Variants in EFCAB11 observed in about 807,000 individuals in gnomAD.
The protein encoded by EFCAB11 is EF-hand calcium binding domain 11.
EFCAB11 carries 14 observed loss-of-function variants against 23.0 expected under a neutral mutation model. The observed-to-expected ratio is 0.61, with a 90% CI of 0.40 to 0.95. The LOEUF is 0.95. EFCAB11 is among the 40% of genes least tolerant of loss of function. The probability of loss-of-function intolerance (pLI) is 0.00; values close to 1 mark genes in which losing one functional copy is unlikely to be tolerated. For missense variants in EFCAB11, 198 were observed against 195.8 expected, an observed-to-expected ratio of 1.01 and a Z score of -0.07; for synonymous variants, 65 against 66.6, an observed-to-expected ratio of 0.98 and a Z score of 0.11.
At position 89,835,834 on chromosome 14, in the gene EFCAB11, G is replaced by C. The variant is rs112770826; in HGVS notation, c.411-38510C>G. Among the ~76,000 whole-genome samples, 1,140 of 151,874 alleles carry C rather than the reference G, an allele frequency of 7.5e-3. 14 individuals are homozygous for C. Among genetic ancestry groups the C allele is most frequent in the African/African-American group, 0.026 (1,083 of 41,458 alleles). On this transcript the variant is annotated intron_variant, in intron 5 of 5. Coordinates refer to ENST00000316738, the MANE Select transcript of EFCAB11 (RefSeq NM_145231.4). Reference sequence around the variant, plus strand: ...GTAGAGACAGGGTTTCACCATGTTGGCCAGGCTGGTCTCAAACTCCTGACC... The same window carrying C: ...GTAGAGACAGGGTTTCACCATGTTGCCCAGGCTGGTCTCAAACTCCTGACC...
chr14:89,937,979 G>C (rs2139821767), intron 3 of EFCAB11: 1 of 152,116 alleles, frequency 6.6e-6, no homozygotes, highest in Non-Finnish European at 1.5e-5. Context: ...TTTCACCACA[G>C]GGGAAGATAA....
chr14:89,827,599 C>T (rs540489487), intron 5 of EFCAB11, among the ~76,000 whole-genome samples: 65 of 151,290 alleles, frequency 4.3e-4, no homozygotes, highest in African/African-American at 1.5e-3. Flanking sequence ...TTTTCCATGA[C>T]CATGTTTCAT....
chr14:89,864,849 T>A (rs1339172604), intron 5 of EFCAB11, among the ~76,000 whole-genome samples: 5 of 152,256 alleles, frequency 3.3e-5, no homozygotes, highest in Non-Finnish European at 7.3e-5. Context: ...TGCCCATTCT[T>A]GGTCTCCAGG....
At chr14:89,919,699 G>A (rs1368107850) in intron 5 of EFCAB11, among the ~76,000 whole-genome samples, 1 of 152,094 alleles carries the variant, frequency 6.6e-6, no homozygotes, top group East Asian at 1.9e-4. Flanking sequence ...CCTTTCCTGG[G>A]GCTGGCTTAG....
In EFCAB11 at chr14:89,804,201, T is replaced by C. The variant is rs1044628421; in HGVS notation, c.411-6877A>G. ...CCAAACGTGGAAGCATGAAAAGGAGTGTTAAGGCCTTCTTCATGCACAGAG... is the reference window on the plus strand; with the variant it reads ...CCAAACGTGGAAGCATGAAAAGGAGCGTTAAGGCCTTCTTCATGCACAGAG... On this transcript the variant is annotated intron_variant, in intron 5 of 5. Coordinates refer to ENST00000316738, the MANE Select transcript of EFCAB11 (RefSeq NM_145231.4). 7.9e-5 allele frequency among the ~76,000 whole-genome samples: 12 copies of C among 152,222 alleles called. No individual in the cohort carries two copies. The East Asian group carries it at 2.3e-3, about 29-fold the overall frequency.
chr14:89,838,800 A>G (rs1321766013), intron 5 of EFCAB11, among the ~76,000 whole-genome samples: 1 of 152,242 alleles, frequency 6.6e-6, no homozygotes, highest in Non-Finnish European at 1.5e-5. Flanking sequence ...ACCCAACATT[A>G]TATCAGAGAT....
At chr14:89,861,603 C>T (rs1887923338) in intron 5 of EFCAB11, among the ~76,000 whole-genome samples, 3 of 152,260 alleles carry the variant, frequency 2.0e-5, no homozygotes, top group Admixed American at 2.0e-4. Flanking sequence ...AATGTGTCCC[C>T]CAAATTTCAT....
chr14:89,801,476 G>A (rs1341827608), intron 5 of EFCAB11, among the ~76,000 whole-genome samples: 4 of 152,140 alleles, frequency 2.6e-5, no homozygotes, highest in African/African-American at 9.7e-5. Context: ...AGAACTCAGA[G>A]CCATAAGCCT....
At chr14:89,954,550 T>G in intron 1 of EFCAB11, 36 bp downstream of exon 1, 1 of 1,610,024 alleles carries the variant, frequency 6.2e-7, no homozygotes, top group South Asian at 1.1e-5. Flanking sequence ...CAGGCCAAGC[T>G]GAAGTCCGAG....
chr14:89,869,149 T>A (rs547289794), intron 5 of EFCAB11, among the ~76,000 whole-genome samples: 1 of 152,156 alleles, frequency 6.6e-6, no homozygotes, highest in Non-Finnish European at 1.5e-5. Context: ...GCTGCAGTGA[T>A]GCATGTTCAC....
intron 5 of EFCAB11, among the ~76,000 whole-genome samples, chr14:89,897,316 T>G (rs1026751586): frequency 2.0e-5 from 3 of 151,920 alleles, no homozygotes; most frequent in Non-Finnish European, 2.9e-5. Context: ...CAAGCAACTT[T>G]CCTGCCTCAG....
At chr14:89,943,098 G>A (rs890354476) in intron 3 of EFCAB11, among the ~76,000 whole-genome samples, 5 of 152,144 alleles carry the variant, frequency 3.3e-5, no homozygotes, top group Non-Finnish European at 7.3e-5. Context: ...GAATCCTGTG[G>A]ATGGTGTGTT....
chr14:89,934,028 C>A (rs984756752), intron 3 of EFCAB11, among the ~76,000 whole-genome samples: 8 of 152,120 alleles, frequency 5.3e-5, no homozygotes, highest in Admixed American at 3.9e-4. Flanking sequence ...GTGGCTGGAA[C>A]AAAGTGAGCC....
At chr14:89,886,516 T>A (rs1395168585) in intron 5 of EFCAB11, among the ~76,000 whole-genome samples, 2 of 36,232 alleles carry the variant, frequency 5.5e-5, no homozygotes, top group Non-Finnish European at 4.3e-5. Flanking sequence ...AAACTCCGTC[T>A]CAAAAAAAAA....
At chr14:89,915,391 T>A (rs1042572289) in intron 5 of EFCAB11, among the ~76,000 whole-genome samples, 5 of 152,244 alleles carry the variant, frequency 3.3e-5, no homozygotes, top group Non-Finnish European at 7.3e-5. Flanking sequence ...ATAACGCTTA[T>A]TAAGAAAGGC....
chr14:89,893,535 T>C lies in EFCAB11; in HGVS notation c.410+38006A>G, dbSNP rs571802856. On this transcript the variant is annotated intron_variant, in intron 5 of 5. Transcript: ENST00000316738. ...CCCACTCTCTGGGAAAGGCCCTCCC[T>C]TCAGGGCAGCCCGTATCCAAAGTCC... Among the ~76,000 whole-genome samples the C allele has an allele frequency of 6.8e-4, 104 of 152,160 alleles. 1 individual carries two copies. The highest frequency in any genetic ancestry group is 1.4e-3 in the Non-Finnish European group (92 of 68,002).
In EFCAB11 at chr14:89,806,122, G is replaced by T. The variant is rs142954003; in HGVS notation, c.411-8798C>A. 2.7e-3 allele frequency among the ~76,000 whole-genome samples: 405 copies of T among 152,138 alleles called. 3 individuals are homozygous for T. The highest frequency in any genetic ancestry group is 9.4e-3 in the African/African-American group (392 of 41,516). ...AACAAGTGACGGAATAAATTCTCCA[G>T]TCCAAGAAAAAAGGAAAAATGGATG... On this transcript the variant is annotated intron_variant, in intron 5 of 5. Coordinates refer to ENST00000316738, the MANE Select transcript of EFCAB11 (RefSeq NM_145231.4).
chr14:89,904,766 A>C (rs2140207511), intron 5 of EFCAB11, among the ~76,000 whole-genome samples: 2 of 152,294 alleles, frequency 1.3e-5, no homozygotes, highest in South Asian at 4.1e-4. Flanking sequence ...TGGCTGCATA[A>C]ATATCTTCTT....
At chr14:89,951,708 G>C (rs1439998441) in intron 2 of EFCAB11, among the ~76,000 whole-genome samples, 1 of 149,930 alleles carries the variant, frequency 6.7e-6, no homozygotes, top group African/African-American at 2.5e-5. Context: ...AGGAGTTGGA[G>C]ACCAGACTGG....
Sources: gnomAD v4.1 joint callset for allele counts (sites outside exome capture counted in the v4.1 genomes callset) on GRCh38, gnomAD v4.1.1 for gene constraint, MANE v1.5 for transcripts, NCBI Gene and HGNC (gene_info 2026-07-23, HGNC 2026-07-21) for gene names.